Variants in CAMTA1 observed in about 807,000 individuals in gnomAD.
The protein encoded by CAMTA1 is calmodulin-binding transcription activator 1.
A neutral mutation model predicts 170.9 loss-of-function variants in CAMTA1; 27 were observed. That is an observed-to-expected ratio of 0.16 (90% CI 0.12 to 0.22). The LOEUF is 0.22. CAMTA1 is among the 10% of genes least tolerant of loss of function. The pLI is 1.00. For synonymous variants in CAMTA1, 833 were observed against 891.5 expected (o/e 0.93, Z 1.17); for missense variants, 1,619 against 2,217.2 (o/e 0.73, Z 5.42).
At chr1:7,485,196 T>C (rs549359277) in intron 6 of CAMTA1, among the ~76,000 whole-genome samples, 1 of 152,350 alleles carries the variant, frequency 6.6e-6, no homozygotes, top group South Asian at 2.1e-4. Context: ...CCCTGATGTC[T>C]GAGCCTGAAA....
chr1:7,091,203 G>A (rs112894552), intron 3 of CAMTA1, 101 bp from the exon 4 acceptor site: 14 of 785,178 alleles, frequency 1.8e-5, no homozygotes, highest in Middle Eastern at 3.2e-4. Context: ...TTCCAGGCTC[G>A]CAAATGAAAA....
At chr1:7,199,156 G>GC (rs33983090) in intron 4 of CAMTA1, among the ~76,000 whole-genome samples, 182 of 151,840 alleles carry the variant, frequency 1.2e-3, no homozygotes, top group African/African-American at 3.7e-3. Flanking sequence ...GTTTACTGAT[G>GC]CCCCCCCCAA....
intron 7 of CAMTA1, among the ~76,000 whole-genome samples, chr1:7,644,479 CT>C (rs1026985388): frequency 1.1e-4 from 16 of 152,328 alleles, no homozygotes; most frequent in African/African-American, 3.8e-4. Flanking sequence ...GCTCCTTTGG[CT>C]TTCATGTCAC....
intron 16 of CAMTA1, among the ~76,000 whole-genome samples, chr1:7,743,740 G>A (rs377019703): frequency 1.3e-5 from 2 of 151,912 alleles, no homozygotes; most frequent in Non-Finnish European, 2.9e-5. Context: ...AGGTATGCAA[G>A]GACATTTTTA....
At position 7,036,396 on chromosome 1, in the gene CAMTA1, G is replaced by A. The variant is rs148452265; in HGVS notation, c.235-54908G>A. Among the ~76,000 whole-genome samples, 1,245 of 152,316 alleles carry A rather than the reference G, an allele frequency of 8.2e-3. 6 individuals carry two copies. Among genetic ancestry groups the A allele is most frequent in the Non-Finnish European group, 0.013 (857 of 68,026 alleles). On this transcript the variant is annotated intron_variant, in intron 3 of 22. Coordinates refer to ENST00000303635, the MANE Select transcript of CAMTA1 (RefSeq NM_015215.4). ...GAATACTAGTTGGCGAGCCCACCAC[G>A]ATTATTATCATAGTGCTAACAGCTG...
chr1:7,395,371 G>A (rs2089211495), intron 5 of CAMTA1, among the ~76,000 whole-genome samples: 1 of 152,070 alleles, frequency 6.6e-6, no homozygotes. Context: ...TTGAAAATTG[G>A]TTCCCTGTAA....
chr1:7,436,506 C>A (rs2149384945), intron 5 of CAMTA1, among the ~76,000 whole-genome samples: 1 of 152,252 alleles, frequency 6.6e-6, no homozygotes, highest in Admixed American at 6.5e-5. Context: ...CCCGGCAGAG[C>A]CTCTGGGCCG....
intron 5 of CAMTA1, among the ~76,000 whole-genome samples, chr1:7,270,238 TATAC>T (rs1558335827): frequency 1.1e-4 from 8 of 72,078 alleles, no homozygotes; most frequent in African/African-American, 5.3e-4. Flanking sequence ...TATACACATA[TATAC>T]ATACACACAC....
intron 3 of CAMTA1, among the ~76,000 whole-genome samples, chr1:6,827,482 T>C (rs918903866): frequency 3.3e-5 from 5 of 152,182 alleles, no homozygotes; most frequent in Non-Finnish European, 7.3e-5. Context: ...AGCGAAGACT[T>C]ACCCTACGAA....
intron 6 of CAMTA1, among the ~76,000 whole-genome samples, chr1:7,489,216 T>G (rs1367773872): frequency 2.0e-5 from 3 of 152,186 alleles, no homozygotes; most frequent in Non-Finnish European, 4.4e-5. Flanking sequence ...CTAGACACAC[T>G]CCCATTTGTT....
chr1:7,259,428 G>A (rs921720366), intron 5 of CAMTA1, among the ~76,000 whole-genome samples: 1 of 152,108 alleles, frequency 6.6e-6, no homozygotes, highest in Admixed American at 6.6e-5. Flanking sequence ...GGTATTAGAA[G>A]TGCAGAATTT....
chr1:6,830,869 A>C (rs1017805782), intron 3 of CAMTA1, among the ~76,000 whole-genome samples: 1 of 151,890 alleles, frequency 6.6e-6, no homozygotes, highest in African/African-American at 2.4e-5. Context: ...CCCAGGCTGG[A>C]GTGCAGTGGC....
At chr1:7,409,224 T>C (rs969974555) in intron 5 of CAMTA1, among the ~76,000 whole-genome samples, 1 of 152,082 alleles carries the variant, frequency 6.6e-6, no homozygotes, top group Non-Finnish European at 1.5e-5. Flanking sequence ...CAATCCCAGA[T>C]GGAGAGACAG....
At chr1:7,139,824 C>T (rs1413116604) in intron 4 of CAMTA1, among the ~76,000 whole-genome samples, 1 of 152,142 alleles carries the variant, frequency 6.6e-6, no homozygotes, top group Non-Finnish European at 1.5e-5. Flanking sequence ...CGCAATGCTT[C>T]GTGACTCAAA....
intron 3 of CAMTA1, among the ~76,000 whole-genome samples, chr1:6,980,890 TACAC>T (rs1376585372): frequency 2.0e-5 from 3 of 152,192 alleles, no homozygotes; most frequent in African/African-American, 7.2e-5. Flanking sequence ...AACAGACTAA[TACAC>T]ACAGCAAGTC....
At position 7,744,797 on chromosome 1, in the gene CAMTA1, C is replaced by A. The variant is rs767280996; in HGVS notation, c.4183-38C>A. 8 of 1,580,522 alleles carry A rather than the reference C, an allele frequency of 5.1e-6. No individual in the cohort carries two copies. In the Admixed American group the frequency reaches 1.4e-4, roughly 28 times the overall value. ...TAGACCTGGATAACTTGTAAGGTTC[C>A]TTTCTAACCTGAGTGTTCTGTGAAC... is the stretch of plus-strand genomic sequence containing the variant. On this transcript the variant is annotated intron_variant, in intron 16 of 22. Transcript: ENST00000303635.
chr1:7,535,069 G>A (rs1006113184), intron 6 of CAMTA1, among the ~76,000 whole-genome samples: 3 of 152,094 alleles, frequency 2.0e-5, no homozygotes, highest in African/African-American at 7.2e-5. Context: ...CAGGCCGCCC[G>A]CCCCACCCCG....
rs183295042 is a variant in CAMTA1, at chr1:7,092,026, G to A, written c.302+655G>A. Among the ~76,000 whole-genome samples, 68 of 152,286 alleles carry A rather than the reference G, an allele frequency of 4.5e-4. No individual in the cohort carries two copies. The highest frequency in any genetic ancestry group is 2.4e-3 in the Admixed American group (37 of 15,296). ...TGATTTTAAAAGGCAGCCTCTTTTGGTCCTCCCCAACTCTAGGTTTTTATT... is the reference window on the plus strand; with the variant it reads ...TGATTTTAAAAGGCAGCCTCTTTTGATCCTCCCCAACTCTAGGTTTTTATT... On this transcript the variant is annotated intron_variant, in intron 4 of 22. Coordinates refer to ENST00000303635, the MANE Select transcript of CAMTA1 (RefSeq NM_015215.4). The surrounding 1 kb of genome is among the most constrained non-coding windows in gnomAD (Gnocchi z 5.0).
intron 11 of CAMTA1, among the ~76,000 whole-genome samples, chr1:7,689,994 C>T (rs1483659000): frequency 2.0e-5 from 3 of 151,970 alleles, no homozygotes; most frequent in African/African-American, 4.8e-5. Context: ...CCCGTCTCTA[C>T]TAGAAATACA....
Sources: allele counts gnomAD v4.1 joint callset (sites outside exome capture counted in the v4.1 genomes callset), GRCh38; gene constraint gnomAD v4.1.1; non-coding constraint Gnocchi (gnomAD v3.1); transcripts MANE v1.5; gene names NCBI Gene and HGNC (gene_info 2026-07-23, HGNC 2026-07-21).